The following NVL variants were observed in gnomAD, a reference collection of about 807,000 sequenced individuals.
The protein encoded by NVL is nuclear VCP like.
Under a neutral mutation model 110.2 loss-of-function variants are expected in NVL, and 84 were observed. That is an observed-to-expected ratio of 0.76 (90% CI 0.64 to 0.91). The LOEUF is 0.91. Among genes scored for constraint, NVL ranks in the 40% least tolerant of loss-of-function variants. NVL has a pLI of 0.00. For missense variants in NVL, 882 were observed against 1,035.9 expected (o/e 0.85, Z 2.04); for synonymous variants, 354 against 361.1 (o/e 0.98, Z 0.22).
At chr1:224,304,134 G>A (rs1321263780) in intron 8 of NVL, among the ~76,000 whole-genome samples, 1 of 152,044 alleles carries the variant, frequency 6.6e-6, no homozygotes, top group African/African-American at 2.4e-5. Flanking sequence ...TAAAAATAAA[G>A]TTACCATTAC....
chr1:224,278,676 T>A (rs1165821227), intron 16 of NVL, among the ~76,000 whole-genome samples: 1 of 152,094 alleles, frequency 6.6e-6, no homozygotes, highest in East Asian at 1.9e-4. Flanking sequence ...ACACCAACAC[T>A]GCTGTTGAGA....
At chr1:224,259,978 A>AT (rs1452305479) in intron 18 of NVL, among the ~76,000 whole-genome samples, 2 of 152,110 alleles carry the variant, frequency 1.3e-5, no homozygotes, top group African/African-American at 4.8e-5. Context: ...CCGTAAACAA[A>AT]TAATTATTGA....
intron 9 of NVL, among the ~76,000 whole-genome samples, chr1:224,302,777 C>T (rs1668544237): frequency 6.6e-6 from 1 of 152,178 alleles, no homozygotes; most frequent in African/African-American, 2.4e-5. Context: ...AGGGCAGGTG[C>T]AGTGGCCCAT....
intron 19 of NVL, among the ~76,000 whole-genome samples, chr1:224,244,376 A>AG (rs1661563563): frequency 6.6e-6 from 1 of 152,098 alleles, no homozygotes; most frequent in African/African-American, 2.4e-5. Context: ...TCAAAAAAAA[A>AG]AATTTCTACT....
intron 10 of NVL, among the ~76,000 whole-genome samples, chr1:224,299,822 G>T (rs4233234): frequency 0.93 from 140,667 of 151,632 alleles, 65,150 homozygotes; most frequent in Middle Eastern, 0.97. Context: ...ACCCATTCTT[G>T]TTATTTAAAA....
chr1:224,317,635 CA>C, intron 4 of NVL, 58 bp downstream of exon 4: 1 of 1,009,616 alleles, frequency 9.9e-7, no homozygotes, highest in Non-Finnish European at 1.6e-6. Context: ...GTTTTACAAG[CA>C]GGAATGTAAC....
intron 22 of NVL, among the ~76,000 whole-genome samples, chr1:224,230,856 G>T (rs375777993): frequency 6.6e-6 from 1 of 152,038 alleles, no homozygotes. Flanking sequence ...TAATTCAGCC[G>T]GGCGCGGTGG....
chr1:224,231,771 A>G (rs1659901637), intron 21 of NVL, among the ~76,000 whole-genome samples: 1 of 152,142 alleles, frequency 6.6e-6, no homozygotes, highest in Non-Finnish European at 1.5e-5. Context: ...TCAGGCTTGT[A>G]ATCCCAGCAC....
chr1:224,243,494 T>C (rs1310087668), intron 19 of NVL, among the ~76,000 whole-genome samples: 5 of 151,776 alleles, frequency 3.3e-5, no homozygotes, highest in Non-Finnish European at 7.4e-5. Flanking sequence ...TTGTAAAAAG[T>C]TTGCTCATCA....
Position 224,305,147 on chromosome 1 carries a change from A to G in NVL, c.635T>C (p.Leu212Pro). The G allele has an allele frequency of 6.2e-7, 1 of 1,609,864 alleles. No individual in the cohort carries two copies. Among genetic ancestry groups the G allele is most frequent in the Non-Finnish European group, 8.5e-7 (1 of 1,179,120 alleles). Reference sequence around the variant, plus strand: ...TTTCCGTTTCATATCACTCTCCAAAAGAGAAGAATCTTTTGAATCCTGGAA... The same window carrying G: ...TTTCCGTTTCATATCACTCTCCAAAGGAGAAGAATCTTTTGAATCCTGGAA... ...TEIQDSKDSS[L>P]LESDMKRKGK... is the part of the protein sequence containing the mutation. The change falls in exon 7 of 23, where the codon CTT becomes CCT. Residue 212 changes from leucine (L) to proline (P), a missense_variant. By Grantham distance (98) the Leu-to-Pro change is moderately conservative. Coordinates refer to ENST00000281701, the MANE Select transcript of NVL (RefSeq NM_002533.4).
At position 224,306,470 on chromosome 1, in the gene NVL, G is replaced by A. The variant is rs1254379604; in HGVS notation, c.616-1304C>T. Among the ~76,000 whole-genome samples the A allele has an allele frequency of 1.2e-4, 18 of 152,102 alleles. No homozygotes were observed. The East Asian group carries it at 3.5e-3, about 29-fold the overall frequency. Reference sequence around the variant, plus strand: ...TTTAGTAGAGACAGGGTTTCACTGTGTTAGCCAGGATGGTCTCAATCTCCT... The same window carrying A: ...TTTAGTAGAGACAGGGTTTCACTGTATTAGCCAGGATGGTCTCAATCTCCT... On this transcript the variant is annotated intron_variant, in intron 6 of 22. Coordinates refer to ENST00000281701, the MANE Select transcript of NVL (RefSeq NM_002533.4).
Position 224,308,033 on chromosome 1 carries a change from T to A in NVL, c.573A>T (p.Ser191=), listed in dbSNP as rs1669107631. The change falls in exon 6 of 23, where the codon TCA becomes TCT. Residue 191 remains serine (S), a synonymous_variant. Coordinates refer to ENST00000281701, the MANE Select transcript of NVL (RefSeq NM_002533.4). The part of the protein sequence containing the change: ...VKKDSFFLDL[S]CEKSNPKKPI... Reference sequence around the variant, plus strand: ...GCTTCTTAGGATTACTTTTCTCACATGACAGGTCCAAGAAAAAACTGTCTT... The same window carrying A: ...GCTTCTTAGGATTACTTTTCTCACAAGACAGGTCCAAGAAAAAACTGTCTT... 1 of 1,578,922 alleles carries A rather than the reference T, an allele frequency of 6.3e-7. No homozygotes were observed. Among genetic ancestry groups the A allele is most frequent in the East Asian group, 2.2e-5 (1 of 44,526 alleles).
intron 5 of NVL, among the ~76,000 whole-genome samples, chr1:224,310,396 G>A (rs1439190499): frequency 6.6e-6 from 1 of 152,044 alleles, no homozygotes; most frequent in Non-Finnish European, 1.5e-5. Context: ...AGTGAGGGCC[G>A]ACTATATTAT....
chr1:224,270,247 T>C (rs562176681), intron 17 of NVL, among the ~76,000 whole-genome samples: 53 of 152,232 alleles, frequency 3.5e-4, no homozygotes, highest in South Asian at 8.3e-4. Context: ...GACTGATAGA[T>C]TTTGCTGCAT....
At chr1:224,329,788 C>T (rs958113962) in intron 1 of NVL, among the ~76,000 whole-genome samples, 9 of 152,206 alleles carry the variant, frequency 5.9e-5, no homozygotes, top group African/African-American at 2.2e-4. Flanking sequence ...AAGGCTACCT[C>T]CACTCTACTG....
At chr1:224,305,214 A>G (rs1490348080) in intron 6 of NVL, 48 bp from the exon 7 acceptor site, 1 of 1,556,190 alleles carries the variant, frequency 6.4e-7, no homozygotes, top group African/African-American at 1.4e-5. Flanking sequence ...ATTCTATGCC[A>G]ATAATTGTTT....
intron 18 of NVL, among the ~76,000 whole-genome samples, chr1:224,255,790 T>G (rs753624322): frequency 6.6e-6 from 1 of 152,214 alleles, no homozygotes; most frequent in Non-Finnish European, 1.5e-5. Flanking sequence ...TAGGAAATCT[T>G]TGCTTAATTC....
intron 2 of NVL, among the ~76,000 whole-genome samples, chr1:224,322,245 T>G (rs1345791147): frequency 7.8e-6 from 1 of 128,198 alleles, no homozygotes; most frequent in African/African-American, 4.0e-5. Flanking sequence ...CCACGCTAAT[T>G]TTTTTTTTTT....
chr1:224,323,290 T>C (rs975514518), intron 2 of NVL, among the ~76,000 whole-genome samples: 1 of 152,126 alleles, frequency 6.6e-6, no homozygotes, highest in African/African-American at 2.4e-5. Context: ...TAGTAAAATT[T>C]TACAGTATAG....
Sources: allele counts gnomAD v4.1 joint callset (sites outside exome capture counted in the v4.1 genomes callset), GRCh38; gene constraint gnomAD v4.1.1; transcripts MANE v1.5; gene names NCBI Gene and HGNC (gene_info 2026-07-23, HGNC 2026-07-21).